Variants in ATP13A4 observed in about 807,000 individuals in gnomAD.
The protein encoded by ATP13A4 is probable cation-transporting ATPase 13A4.
A neutral mutation model predicts 142.5 loss-of-function variants in ATP13A4; 114 were observed. The ratio of observed to expected loss-of-function variants is 0.80; its 90% CI spans 0.69 to 0.93. The LOEUF is 0.93. Ranked by LOEUF, ATP13A4 falls within the 40% of genes least tolerant of loss-of-function variation. The pLI is 0.00. For synonymous variants in ATP13A4, 488 were observed against 514.8 expected, an observed-to-expected ratio of 0.95 and a Z score of 0.70; for missense variants, 1,392 against 1,454.0, an observed-to-expected ratio of 0.96 and a Z score of 0.69.
At chr3:193,573,275 A>ATATT (rs1724312768) in intron 2 of ATP13A4, among the ~76,000 whole-genome samples, 1 of 95,266 alleles carries the variant, frequency 1.0e-5, no homozygotes, top group Non-Finnish European at 2.1e-5. Context: ...ATATATATAT[A>ATATT]CATATATATA....
chr3:193,530,889 C>T (rs1187525791), intron 1 of ATP13A4, among the ~76,000 whole-genome samples: 2 of 152,124 alleles, frequency 1.3e-5, no homozygotes, highest in Non-Finnish European at 2.9e-5. Flanking sequence ...TCAGCCTCAA[C>T]TCTCTGTTCT....
At chr3:193,571,278 C>CAAAAAAAAAA (rs57432082) in intron 2 of ATP13A4, among the ~76,000 whole-genome samples, 2 of 95,712 alleles carry the variant, frequency 2.1e-5, no homozygotes. Context: ...GACCTTGTCT[C>CAAAAAAAAAA]AAAAAAAAAA....
intron 7 of ATP13A4, 30 bp downstream of exon 7, chr3:193,489,700 T>C: frequency 6.3e-7 from 1 of 1,589,514 alleles, no homozygotes; most frequent in Non-Finnish European, 8.6e-7. Context: ...CTTCCCTTTA[T>C]GAAACCATAG....
chr3:193,447,041 CA>C (rs1264423654), intron 18 of ATP13A4, among the ~76,000 whole-genome samples: 4 of 151,988 alleles, frequency 2.6e-5, no homozygotes, highest in South Asian at 2.1e-4. Flanking sequence ...GACAATACTT[CA>C]GCGAAAAAAA....
rs111295492 is a variant in ATP13A4 at position 193,426,130 on chromosome 3, C to T, written c.2842+7715G>A. 5.6e-3 allele frequency among the ~76,000 whole-genome samples: 852 copies of T among 151,842 alleles called. 13 individuals are homozygous for T. Among genetic ancestry groups the T allele is most frequent in the African/African-American group, 0.019 (791 of 41,504 alleles). ...TACATACTGAAAATCTTAAGAAACTCACAAGAAAGCTGATAAAATTAATAA... is the reference window on the plus strand; with the variant it reads ...TACATACTGAAAATCTTAAGAAACTTACAAGAAAGCTGATAAAATTAATAA... On this transcript the variant is annotated intron_variant, in intron 25 of 29. Transcript: ENST00000342695.
rs1287292983 is a variant in ATP13A4 at position 193,433,857 on chromosome 3, T to C, written c.2830A>G (p.Ile944Val). 2.5e-6 allele frequency: 4 copies of C among 1,613,194 alleles called. No individual in the cohort carries two copies. The highest frequency in any genetic ancestry group is 3.4e-6 in the Non-Finnish European group (4 of 1,179,260). Reference protein sequence around the residue: ...LFQDLAITTLIGVTMNLNGAY... With the variant: ...LFQDLAITTLVGVTMNLNGAY... The stretch of plus-strand genomic sequence containing the variant: ...TAAAATGTCTTACTTGTTACACCAA[T>C]AAGAGTTGTAATGGCCAGATCCTGG... The change falls in exon 25 of 30, where the codon ATT becomes GTT. Residue 944 changes from isoleucine to valine, a missense_variant. Coordinates refer to ENST00000342695, the MANE Select transcript of ATP13A4 (RefSeq NM_032279.4).
chr3:193,405,084 A>G (rs1187507370), intron 29 of ATP13A4, among the ~76,000 whole-genome samples: 1 of 152,188 alleles, frequency 6.6e-6, no homozygotes, highest in Non-Finnish European at 1.5e-5. Flanking sequence ...CAGAGATTAG[A>G]TAAGTGGAAT....
chr3:193,541,429 G>A (rs1012001821), intron 1 of ATP13A4, among the ~76,000 whole-genome samples: 3 of 120,096 alleles, frequency 2.5e-5, no homozygotes, highest in Non-Finnish European at 3.9e-5. Context: ...TGTGATTATC[G>A]ATCACAGATT....
chr3:193,455,490 T>C (rs1033286710), intron 16 of ATP13A4, among the ~76,000 whole-genome samples: 10 of 151,954 alleles, frequency 6.6e-5, no homozygotes, highest in Admixed American at 6.5e-4. Flanking sequence ...TGAGATACCA[T>C]CTCAAACCAG....
At chr3:193,469,194 G>T (rs1718474060) in intron 9 of ATP13A4, among the ~76,000 whole-genome samples, 1 of 152,214 alleles carries the variant, frequency 6.6e-6, no homozygotes, top group Non-Finnish European at 1.5e-5. Context: ...AGCAGCAGAA[G>T]AAACTGAATG....
At chr3:193,419,685 G>A (rs1715311353) in intron 25 of ATP13A4, among the ~76,000 whole-genome samples, 1 of 149,994 alleles carries the variant, frequency 6.7e-6, no homozygotes, top group African/African-American at 2.5e-5. Context: ...ACATCCCAGG[G>A]AAAAGCACTG....
At chr3:193,421,187 A>C (rs897161983) in intron 25 of ATP13A4, among the ~76,000 whole-genome samples, 1 of 150,004 alleles carries the variant, frequency 6.7e-6, no homozygotes, top group Admixed American at 6.9e-5. Flanking sequence ...CCAAATCACA[A>C]ATAAGGAAAT....
chr3:193,519,790 G>A (rs1374093919), intron 1 of ATP13A4, among the ~76,000 whole-genome samples: 4 of 151,446 alleles, frequency 2.6e-5, no homozygotes, highest in Admixed American at 2.0e-4. Flanking sequence ...GATTACAGGC[G>A]CCCGTCACTG....
chr3:193,428,658 G>A (rs1053408013), intron 25 of ATP13A4, among the ~76,000 whole-genome samples: 19 of 151,852 alleles, frequency 1.3e-4, no homozygotes, highest in Non-Finnish European at 2.5e-4. Flanking sequence ...GGATGAAGCT[G>A]GAAACCATCA....
At chr3:193,415,262 C>A (rs963855881) in intron 25 of ATP13A4, among the ~76,000 whole-genome samples, 3 of 152,132 alleles carry the variant, frequency 2.0e-5, no homozygotes, top group African/African-American at 7.2e-5. Context: ...AACAGCAATG[C>A]TTTAAAACAC....
At chr3:193,406,035 G>C (rs1045847849) in intron 29 of ATP13A4, among the ~76,000 whole-genome samples, 1 of 152,164 alleles carries the variant, frequency 6.6e-6, no homozygotes, top group Non-Finnish European at 1.5e-5. Context: ...GCTTCTCAAA[G>C]TGTGATCCCT....
At chr3:193,552,325 C>T (rs1027738796) in intron 1 of ATP13A4, among the ~76,000 whole-genome samples, 16 of 152,134 alleles carry the variant, frequency 1.1e-4, no homozygotes, top group Non-Finnish European at 2.2e-4. Flanking sequence ...ATCTTTAGGC[C>T]TCAGAATATT....
At chr3:193,527,837 C>T (rs1220698318) in intron 1 of ATP13A4, among the ~76,000 whole-genome samples, 1 of 152,086 alleles carries the variant, frequency 6.6e-6, no homozygotes, top group African/African-American at 2.4e-5. Flanking sequence ...CCTGTCTGGG[C>T]CTGTTTGTCC....
Position 193,401,109 on chromosome 3 carries a change from G to T in ATP13A4, c.*1543C>A, listed in dbSNP as rs62285691. Among the ~76,000 whole-genome samples, 26,197 of 152,098 alleles carry T rather than the reference G, an allele frequency of 0.17. 2,288 individuals are homozygous for T. Among genetic ancestry groups the T allele is most frequent in the Admixed American group, 0.21 (3,227 of 15,270 alleles). ...CAGCCATGCTCAAGAGCTCAGTTAG[G>T]GGGAAGGAATGCTTGCAAATGCTAT... On this transcript the variant is annotated 3_prime_UTR_variant, in exon 30 of 30. Transcript: ENST00000342695.
Sources: gnomAD v4.1 joint callset for allele counts (sites outside exome capture counted in the v4.1 genomes callset) on GRCh38, gnomAD v4.1.1 for gene constraint, MANE v1.5 for transcripts, NCBI Gene and HGNC (gene_info 2026-07-23, HGNC 2026-07-21) for gene names.